WWOX: variants seen among roughly 807,000 people sequenced by gnomAD.
The protein encoded by WWOX is WW domain-containing oxidoreductase.
A neutral mutation model predicts 46.2 loss-of-function variants in WWOX; 69 were observed. That is an observed-to-expected ratio of 1.49 (90% CI 1.23 to 1.82). WWOX has a LOEUF of 1.82. Ranked by LOEUF, WWOX falls within the 40% of genes most tolerant of loss-of-function variation. WWOX has a pLI of 0.00. For missense variants in WWOX, 919 were observed against 542.6 expected, an observed-to-expected ratio of 1.69 and a Z score of -6.89; for synonymous variants, 359 against 202.6, an observed-to-expected ratio of 1.77 and a Z score of -6.56.
At chr16:78,190,443 C>A (rs1295661506) in intron 5 of WWOX, among the ~76,000 whole-genome samples, 1 of 152,160 alleles carries the variant, frequency 6.6e-6, no homozygotes, top group Non-Finnish European at 1.5e-5. Context: ...CACTTGCAAC[C>A]AAATCAGTCC....
intron 8 of WWOX, among the ~76,000 whole-genome samples, chr16:78,992,310 A>G (rs149515720): frequency 0.98 from 149,073 of 151,976 alleles, 73,197 homozygotes; most frequent in South Asian, 1. Flanking sequence ...TAAAAATACA[A>G]AAAAAAATTA....
intron 5 of WWOX, among the ~76,000 whole-genome samples, chr16:78,188,641 A>T (rs559906922): frequency 2.0e-5 from 3 of 152,152 alleles, no homozygotes; most frequent in African/African-American, 7.2e-5. Flanking sequence ...ATTAGGGAAA[A>T]ATAACAGCAA....
chr16:78,650,446 C>G (rs185291628), intron 8 of WWOX, among the ~76,000 whole-genome samples: 5 of 152,220 alleles, frequency 3.3e-5, no homozygotes, highest in East Asian at 3.9e-4. Flanking sequence ...GCCTTGCTTC[C>G]TAGGCTGTCC....
At chr16:78,763,967 C>G (rs942631873) in intron 8 of WWOX, among the ~76,000 whole-genome samples, 2 of 152,178 alleles carry the variant, frequency 1.3e-5, no homozygotes, top group African/African-American at 2.4e-5. Context: ...TCCCTCTGCC[C>G]CACATCTATT....
At chr16:78,627,258 G>T (rs995658356) in intron 8 of WWOX, among the ~76,000 whole-genome samples, 4 of 152,110 alleles carry the variant, frequency 2.6e-5, no homozygotes, top group African/African-American at 7.2e-5. Context: ...ACCTCCCCAG[G>T]GGATAGCCCT....
At chr16:78,157,575 C>T (rs928515534) in intron 4 of WWOX, among the ~76,000 whole-genome samples, 10 of 152,206 alleles carry the variant, frequency 6.6e-5, no homozygotes, top group African/African-American at 2.4e-4. Flanking sequence ...TGCATTATTT[C>T]AGCATCTGAT....
At chr16:78,715,557 C>T (rs948019493) in intron 8 of WWOX, among the ~76,000 whole-genome samples, 2 of 150,242 alleles carry the variant, frequency 1.3e-5, no homozygotes, top group African/African-American at 4.9e-5. Flanking sequence ...GATCTTGACT[C>T]ATTGCAACCT....
chr16:78,766,624 T>C (rs1379883099), intron 8 of WWOX, among the ~76,000 whole-genome samples: 1 of 152,200 alleles, frequency 6.6e-6, no homozygotes, highest in Non-Finnish European at 1.5e-5. Context: ...TCAGAGGCCT[T>C]GTGAGTTAGC....
chr16:78,157,069 CT>C lies in WWOX; in HGVS notation c.410-7104del, dbSNP rs971631456. Among the ~76,000 whole-genome samples, 76 of 150,082 alleles carry C rather than the reference CT, an allele frequency of 5.1e-4. 1 individual carries two copies. The highest frequency in any genetic ancestry group is 2.1e-3 in the East Asian group (11 of 5,144). On this transcript the variant is annotated intron_variant, in intron 4 of 8. Transcript: ENST00000566780. The stretch of plus-strand genomic sequence containing the variant: ...TACTCTCATTTCCACTCTCTTACAT[CT>C]TTTTTTTTTCTTTTAATACCCTGTG...
rs187700766 is a variant in WWOX at position 78,443,698 on chromosome 16, T to C, written c.1056+10946T>C. Among the ~76,000 whole-genome samples, 230 of 152,300 alleles carry C rather than the reference T, an allele frequency of 1.5e-3. 1 individual carries two copies. The highest frequency in any genetic ancestry group is 5.1e-3 in the African/African-American group (214 of 41,564). ...TAACCAAGATTTGCAATTCCCCTAG[T>C]TTTATCTTCCCGGTTTCCTTTTCTT... On this transcript the variant is annotated intron_variant, in intron 8 of 8. Coordinates refer to ENST00000566780, the MANE Select transcript of WWOX (RefSeq NM_016373.4).
intron 5 of WWOX, among the ~76,000 whole-genome samples, chr16:78,269,639 AG>A (rs1336575997): frequency 6.6e-6 from 1 of 152,246 alleles, no homozygotes; most frequent in African/African-American, 2.4e-5. Context: ...CCTGTTTGCC[AG>A]CTCACTAATG....
chr16:78,718,504 A>G (rs754370677), intron 8 of WWOX, among the ~76,000 whole-genome samples: 14 of 152,182 alleles, frequency 9.2e-5, no homozygotes, highest in Admixed American at 8.5e-4. Flanking sequence ...ATGATGTTCA[A>G]TAAAAATGAA....
At chr16:79,055,112 T>C (rs1208826461) in intron 8 of WWOX, among the ~76,000 whole-genome samples, 1 of 152,106 alleles carries the variant, frequency 6.6e-6, no homozygotes, top group Non-Finnish European at 1.5e-5. Context: ...AAATAATCCA[T>C]ATGAGACAAA....
intron 8 of WWOX, among the ~76,000 whole-genome samples, chr16:78,760,265 T>A (rs904631811): frequency 6.6e-6 from 1 of 152,154 alleles, no homozygotes; most frequent in Non-Finnish European, 1.5e-5. Context: ...GAGAACAATA[T>A]GGGAGAAATC....
chr16:78,374,609 C>A (rs1365469579), intron 5 of WWOX, among the ~76,000 whole-genome samples: 1 of 138,318 alleles, frequency 7.2e-6, no homozygotes, highest in Non-Finnish European at 1.5e-5. Context: ...AGTGCAGTGG[C>A]GCGATCTTGG....
intron 8 of WWOX, among the ~76,000 whole-genome samples, chr16:78,821,885 A>T (rs1282399111): frequency 6.6e-6 from 1 of 152,086 alleles, no homozygotes; most frequent in Non-Finnish European, 1.5e-5. Context: ...ATTAAAATAA[A>T]CTTTTTTTTT....
chr16:78,322,788 C>T (rs2080515465), intron 5 of WWOX, among the ~76,000 whole-genome samples: 1 of 152,176 alleles, frequency 6.6e-6, no homozygotes, highest in African/African-American at 2.4e-5. Flanking sequence ...CACTTTGTCA[C>T]CACAGCACAG....
intron 8 of WWOX, among the ~76,000 whole-genome samples, chr16:79,035,288 C>T (rs1293118182): frequency 1.3e-5 from 2 of 152,146 alleles, no homozygotes; most frequent in Non-Finnish European, 1.5e-5. Flanking sequence ...AAACCCAGTC[C>T]ATCTCTAATC....
At chr16:78,555,723 A>C (rs59588435) in intron 8 of WWOX, among the ~76,000 whole-genome samples, 1,808 of 152,184 alleles carry the variant, frequency 0.012, 36 homozygotes, top group African/African-American at 0.041. Context: ...CTGCAGTTCC[A>C]AATGACTCCA....
Sources: gnomAD v4.1 joint callset for allele counts (sites outside exome capture counted in the v4.1 genomes callset) on GRCh38, gnomAD v4.1.1 for gene constraint, MANE v1.5 for transcripts, NCBI Gene and HGNC (gene_info 2026-07-23, HGNC 2026-07-21) for gene names.